Variants in CNTNAP5 observed in about 807,000 individuals in gnomAD.
The protein encoded by CNTNAP5 is contactin-associated protein-like 5.
A neutral mutation model predicts 150.2 loss-of-function variants in CNTNAP5; 72 were observed. That is an observed-to-expected ratio of 0.48 (90% CI 0.40 to 0.58). The LOEUF is 0.58. Ranked by LOEUF, CNTNAP5 falls within the 20% of genes least tolerant of loss-of-function variation. The probability of loss-of-function intolerance (pLI) is 0.00; values close to 1 mark genes in which losing one functional copy is unlikely to be tolerated. For synonymous variants in CNTNAP5, 672 were observed against 619.8 expected, an observed-to-expected ratio of 1.08 and a Z score of -1.25; for missense variants, 1,636 against 1,626.2, an observed-to-expected ratio of 1.01 and a Z score of -0.10.
At chr2:124,583,879 C>T (rs776405985) in intron 11 of CNTNAP5, among the ~76,000 whole-genome samples, 10 of 152,162 alleles carry the variant, frequency 6.6e-5, no homozygotes, top group Non-Finnish European at 1.3e-4. Context: ...AGAATACTCA[C>T]ATCACCAAGG....
chr2:124,919,608 T>C lies in CNTNAP5; in HGVS notation c.*5320T>C, dbSNP rs1573713388. ...GCAGCCTTTCCACTTTCATGGCTCC[T>C]CACTCAGGAGTCTCTTTAGTGCATT... On this transcript the variant is annotated 3_prime_UTR_variant, in exon 24 of 24. Transcript: ENST00000682447. Among the ~76,000 whole-genome samples, 1 of 152,088 alleles carries C rather than the reference T, an allele frequency of 6.6e-6. No homozygotes were observed. The highest frequency in any genetic ancestry group is 1.5e-5 in the Non-Finnish European group (1 of 68,004).
At chr2:124,782,349 A>G (rs756186862) in intron 17 of CNTNAP5, among the ~76,000 whole-genome samples, 15 of 152,136 alleles carry the variant, frequency 9.9e-5, no homozygotes, top group Non-Finnish European at 1.9e-4. Context: ...AAGCCTCTAG[A>G]TATTTCAGTA....
intron 13 of CNTNAP5, among the ~76,000 whole-genome samples, chr2:124,668,028 T>G (rs1678736329): frequency 6.6e-6 from 1 of 152,200 alleles, no homozygotes; most frequent in Non-Finnish European, 1.5e-5. Flanking sequence ...CCTTTCATCC[T>G]GGAATGGAAA....
At chr2:124,734,060 C>G (rs13396871) in intron 13 of CNTNAP5, among the ~76,000 whole-genome samples, 39,164 of 152,006 alleles carry the variant, frequency 0.26, 5,636 homozygotes, top group Non-Finnish European at 0.34. Flanking sequence ...TGGAGCAGCT[C>G]TCCATCAAAC....
intron 1 of CNTNAP5, among the ~76,000 whole-genome samples, chr2:124,111,891 G>C (rs572103203): frequency 6.6e-6 from 1 of 152,190 alleles, no homozygotes; most frequent in African/African-American, 2.4e-5. Flanking sequence ...TCATAATTCA[G>C]CATGCACACT....
At chr2:124,847,925 C>G (rs1683082164) in intron 19 of CNTNAP5, among the ~76,000 whole-genome samples, 1 of 152,116 alleles carries the variant, frequency 6.6e-6, no homozygotes, top group African/African-American at 2.4e-5. Flanking sequence ...CATAAAGTGT[C>G]TCTTTTTCCA....
Position 124,747,308 on chromosome 2 carries a change from G to A in CNTNAP5, c.2157G>A (p.Gln719=), listed in dbSNP as rs1213138594. 6.2e-7 allele frequency: 1 copy of A among 1,613,710 alleles called. No homozygotes were observed. Among genetic ancestry groups the A allele is most frequent in the Non-Finnish European group, 8.5e-7 (1 of 1,179,784 alleles). Residue 719 remains glutamine, a synonymous_variant, in exon 14 of 24, where the codon CAG becomes CAA. Coordinates refer to ENST00000682447, the MANE Select transcript of CNTNAP5 (RefSeq NM_001367498.1). The part of the protein sequence containing the change: ...PYWGGSPPGV[Q]QCECGLDESC... Reference sequence around the variant, plus strand: ...GGGGAGGTTCCCCTCCTGGGGTCCAGCAGTGTGAGTGTGGCCTAGACGAGA... The same window carrying A: ...GGGGAGGTTCCCCTCCTGGGGTCCAACAGTGTGAGTGTGGCCTAGACGAGA...
intron 1 of CNTNAP5, among the ~76,000 whole-genome samples, chr2:124,040,277 C>T (rs541860674): frequency 2.6e-5 from 4 of 152,186 alleles, no homozygotes; most frequent in African/African-American, 9.6e-5. Flanking sequence ...CATTTCAATA[C>T]CACAATCAGG....
chr2:124,664,733 C>G (rs1381615790), intron 13 of CNTNAP5, among the ~76,000 whole-genome samples: 1 of 152,244 alleles, frequency 6.6e-6, no homozygotes, highest in African/African-American at 2.4e-5. Flanking sequence ...ATCACCCAGG[C>G]TGGAGGACAA....
chr2:124,662,723 A>G (rs1678618556), intron 13 of CNTNAP5, among the ~76,000 whole-genome samples: 1 of 152,212 alleles, frequency 6.6e-6, no homozygotes, highest in South Asian at 2.1e-4. Context: ...CTTTTGCTCT[A>G]TGTGATGGTT....
intron 3 of CNTNAP5, among the ~76,000 whole-genome samples, chr2:124,341,689 T>A (rs901300612): frequency 1.3e-5 from 2 of 152,270 alleles, no homozygotes; most frequent in African/African-American, 4.8e-5. Flanking sequence ...TATACACTAG[T>A]TTCTCTGGAT....
intron 3 of CNTNAP5, among the ~76,000 whole-genome samples, chr2:124,381,487 CTG>C (rs2104738173): frequency 6.6e-6 from 1 of 152,080 alleles, no homozygotes; most frequent in Admixed American, 6.6e-5. Context: ...GTGGGAAAGA[CTG>C]ATGGGTGATT....
chr2:124,303,893 A>G lies in CNTNAP5; in HGVS notation c.381+61500A>G, dbSNP rs562668629. Among the ~76,000 whole-genome samples, 4 of 152,276 alleles carry G rather than the reference A, an allele frequency of 2.6e-5. No homozygotes were observed. The South Asian group carries it at 6.2e-4, about 24-fold the overall frequency. On this transcript the variant is annotated intron_variant, in intron 3 of 23. Coordinates refer to ENST00000682447, the MANE Select transcript of CNTNAP5 (RefSeq NM_001367498.1). ...CAAAACATTAAAGAATTAGCCCAGC[A>G]TGATTTTGCATGCCAGTAGTTCCAG...
intron 12 of CNTNAP5, among the ~76,000 whole-genome samples, chr2:124,637,365 G>T (rs1405605546): frequency 6.6e-6 from 1 of 152,072 alleles, no homozygotes. Flanking sequence ...CCCATACTTT[G>T]GATATTTCTG....
chr2:124,673,026 T>C (rs1223296623), intron 13 of CNTNAP5, among the ~76,000 whole-genome samples: 1 of 152,108 alleles, frequency 6.6e-6, no homozygotes, highest in African/African-American at 2.4e-5. Flanking sequence ...AGAATAAAAT[T>C]GTAATTGCTA....
At chr2:124,424,072 T>C (rs1405621145) in intron 4 of CNTNAP5, among the ~76,000 whole-genome samples, 1 of 152,196 alleles carries the variant, frequency 6.6e-6, no homozygotes, top group African/African-American at 2.4e-5. Context: ...TCAGGTCGCC[T>C]CTGTTCCACA....
chr2:124,424,584 C>G (rs1692195171), intron 4 of CNTNAP5, among the ~76,000 whole-genome samples: 1 of 152,136 alleles, frequency 6.6e-6, no homozygotes, highest in Admixed American at 6.5e-5. Context: ...TATGAAGAGA[C>G]AAATGTACAC....
At chr2:124,505,619 G>A (rs1694388625) in intron 8 of CNTNAP5, among the ~76,000 whole-genome samples, 1 of 152,094 alleles carries the variant, frequency 6.6e-6, no homozygotes, top group Non-Finnish European at 1.5e-5. Context: ...ATACACAGCA[G>A]GTCGGTGAAC....
At chr2:124,762,571 A>G (rs1680981147) in intron 14 of CNTNAP5, among the ~76,000 whole-genome samples, 1 of 152,140 alleles carries the variant, frequency 6.6e-6, no homozygotes, top group Admixed American at 6.6e-5. Flanking sequence ...AATCTCTTTT[A>G]AACCCATCAG....
Sources: gnomAD v4.1 joint callset for allele counts (sites outside exome capture counted in the v4.1 genomes callset) on GRCh38, gnomAD v4.1.1 for gene constraint, MANE v1.5 for transcripts, NCBI Gene and HGNC (gene_info 2026-07-23, HGNC 2026-07-21) for gene names.